Variants in KLF3 observed in about 807,000 individuals in gnomAD.
KLF3 encodes the protein KLF transcription factor 3, also known as Krueppel-like factor 3.
A neutral mutation model predicts 32.7 loss-of-function variants in KLF3; 6 were observed. The observed-to-expected ratio is 0.18, with a 90% confidence interval of 0.10 to 0.36. The LOEUF (loss-of-function observed/expected upper bound fraction) is 0.36. KLF3 is among the 10% of genes least tolerant of loss of function. The pLI, the probability that KLF3 is intolerant of heterozygous loss-of-function variation, is 1.00. For missense variants in KLF3, 338 were observed against 449.7 expected, an observed-to-expected ratio of 0.75 and a Z score of 2.25; for synonymous variants, 145 against 172.8, an observed-to-expected ratio of 0.84 and a Z score of 1.26.
In KLF3 at chr4:38,686,177, G is replaced by A. The variant is rs369560441; in HGVS notation, c.58-2408G>A. Among the ~76,000 whole-genome samples, 38 of 151,976 alleles carry A rather than the reference G, an allele frequency of 2.5e-4. No individual in the cohort carries two copies. In the South Asian group the frequency reaches 4.4e-3, roughly 17 times the overall value. On this transcript the variant is annotated intron_variant, in intron 2 of 5. Coordinates refer to ENST00000261438, the MANE Select transcript of KLF3 (RefSeq NM_016531.6). ...TAGTGAAAACTGGCTGCGCGTGGTGGCTCATGTCTGTAATCCTAGAACTTT... is the reference window on the plus strand; with the variant it reads ...TAGTGAAAACTGGCTGCGCGTGGTGACTCATGTCTGTAATCCTAGAACTTT...
intron 1 of KLF3, among the ~76,000 whole-genome samples, chr4:38,677,878 AGTGTGTGTGTGTGTGTGT>A (rs56675939): frequency 4.8e-5 from 7 of 146,214 alleles, no homozygotes; most frequent in African/African-American, 1.3e-4. Context: ...GGGCAAAAGG[AGTGTGTGTGTGTGTGTGT>A]GTGTGTGTGT....
At chr4:38,670,227 C>T (rs1187876448) in intron 1 of KLF3, among the ~76,000 whole-genome samples, 1 of 152,136 alleles carries the variant, frequency 6.6e-6, no homozygotes, top group African/African-American at 2.4e-5. Flanking sequence ...TGGCTCTTAC[C>T]CTGTTTCCTG....
chr4:38,694,706 C>G, intron 4 of KLF3, 40 bp from the exon 5 acceptor site: 3 of 1,503,644 alleles, frequency 2.0e-6, no homozygotes. Flanking sequence ...AAAGGAAGAG[C>G]GTGCTCTCAA....
Position 38,689,113 on chromosome 4 carries a change from G to A in KLF3, c.544+42G>A, listed in dbSNP as rs191829592. 3.9e-4 allele frequency: 626 copies of A among 1,600,160 alleles called. 2 individuals carry two copies. In the African/African-American group the frequency reaches 7.0e-3, roughly 18 times the overall value. On this transcript the variant is annotated intron_variant, in intron 3 of 5. Coordinates refer to ENST00000261438, the MANE Select transcript of KLF3 (RefSeq NM_016531.6). ...CTCCATGCTGCTGCACTTGCTTAGC[G>A]TACTGGCGCTTCACCAGATGGGGTG...
At chr4:38,673,501 A>G (rs564440388) in intron 1 of KLF3, among the ~76,000 whole-genome samples, 46 of 152,338 alleles carry the variant, frequency 3.0e-4, no homozygotes, top group Non-Finnish European at 5.9e-4. Context: ...GTATTTTTCA[A>G]TTTATCTTGG....
At chr4:38,667,495 A>G (rs539070038) in intron 1 of KLF3, among the ~76,000 whole-genome samples, 1 of 152,150 alleles carries the variant, frequency 6.6e-6, no homozygotes, top group East Asian at 1.9e-4. Context: ...TTTTACGTAC[A>G]CCCTTTGCTC....
At chr4:38,682,878 A>G (rs1454700449) in intron 2 of KLF3, among the ~76,000 whole-genome samples, 4 of 152,226 alleles carry the variant, frequency 2.6e-5, no homozygotes, top group African/African-American at 9.7e-5. Context: ...AGTTTCACCA[A>G]AAGTTACTGT....
At chr4:38,689,990 C>T in intron 4 of KLF3, 111 bp downstream of exon 4, 5 of 1,113,916 alleles carry the variant, frequency 4.5e-6, no homozygotes. Context: ...CCAGGAACGG[C>T]TTGTGATCTG....
chr4:38,688,967 C>T lies in KLF3; in HGVS notation c.440C>T (p.Pro147Leu). 1 of 1,614,254 alleles carries T rather than the reference C, an allele frequency of 6.2e-7. No individual in the cohort carries two copies. Among genetic ancestry groups the T allele is most frequent in the Non-Finnish European group, 8.5e-7 (1 of 1,180,048 alleles). Residue 147 changes from proline to leucine, a missense_variant, in exon 3 of 6, where the codon CCG becomes CTG. Transcript: ENST00000261438. The surrounding 1 kb of genome is among the most constrained non-coding windows in gnomAD (Gnocchi z 4.9). The part of the protein sequence containing the change: ...RSPGILPVIQ[P>L]VVVQPVPFMY... ...CCGGGGATCCTGCCCGTCATCCAGC[C>T]GGTGGTGGTGCAGCCCGTCCCCTTT...
In KLF3 at chr4:38,671,143, GGGTCTGCA is replaced by G. The variant is rs1336450637; in HGVS notation, c.-40+6685_-40+6692del. 6.6e-6 allele frequency among the ~76,000 whole-genome samples: 1 copy of G among 152,182 alleles called. No individual in the cohort carries two copies. Among genetic ancestry groups the G allele is most frequent in the Non-Finnish European group, 1.5e-5 (1 of 68,036 alleles). On this transcript the variant is annotated intron_variant, in intron 1 of 5. Transcript: ENST00000261438. The surrounding 1 kb of genome is among the most constrained non-coding windows in gnomAD (Gnocchi z 4.4). ...CTCTGAAGCAGAACAGAAAGTGCCC[GGGTCTGCA>G]GGCAGACACGCTTCTGTTCCTGGCT... is the stretch of plus-strand genomic sequence containing the variant.
chr4:38,664,919 C>CCTCCCCCTCCCGGTG (rs1721969956), intron 1 of KLF3: 1 of 150,640 alleles, frequency 6.6e-6, no homozygotes, highest in Admixed American at 6.6e-5. Context: ...CGCTCCTGCT[C>CCTCCCCCTCCCGGTG]CTCCCCCTCC....
chr4:38,672,367 C>A (rs949094649), intron 1 of KLF3, among the ~76,000 whole-genome samples: 5 of 152,158 alleles, frequency 3.3e-5, no homozygotes, highest in Non-Finnish European at 7.4e-5. Flanking sequence ...GTACTGGTGG[C>A]GGTGTGGGAC....
chr4:38,675,728 C>T (rs546007974), intron 1 of KLF3, among the ~76,000 whole-genome samples: 1 of 152,184 alleles, frequency 6.6e-6, no homozygotes, highest in Non-Finnish European at 1.5e-5. Flanking sequence ...CCTACTGGTT[C>T]TGCTTCAGAT....
Position 38,689,830 on chromosome 4 carries a change from TCACCCCCCTTAATGAACTCA to T in KLF3, c.647_666del (p.Ser216CysfsTer41). The T allele has an allele frequency of 1.2e-6, 2 of 1,607,208 alleles. No individual in the cohort carries two copies. Among genetic ancestry groups the T allele is most frequent in the African/African-American group, 1.3e-5 (1 of 74,728 alleles). Reference sequence around the variant, plus strand: ...GACAGATTATTATCCTGAAGAAATGTCACCCCCCTTAATGAACTCAGTGTCCCCCCCGCAAGCATTGTTGC... The same window carrying T: ...GACAGATTATTATCCTGAAGAAATGTGTGTCCCCCCCGCAAGCATTGTTGC... On this transcript the variant is annotated frameshift_variant, in exon 4 of 6. Transcript: ENST00000261438. LOFTEE classifies it high-confidence loss of function.
At chr4:38,690,076 C>A in intron 4 of KLF3, 197 bp downstream of exon 4, 1 of 444,414 alleles carries the variant, frequency 2.3e-6, no homozygotes, top group Non-Finnish European at 3.9e-6. Flanking sequence ...ACACTGACAA[C>A]GTTATGACAA....
At position 38,698,040 on chromosome 4, in the gene KLF3, G is replaced by A. The variant is rs1723099607; in HGVS notation, c.*777G>A. ...CTCCTGGGCTAGGGGTTGTCAGTGA[G>A]GTTTCAACATTTTGTTAGCTGTGTG... is the stretch of plus-strand genomic sequence containing the variant. On this transcript the variant is annotated 3_prime_UTR_variant, in exon 6 of 6. Coordinates refer to ENST00000261438, the MANE Select transcript of KLF3 (RefSeq NM_016531.6). The A allele has an allele frequency of 6.6e-6, 1 of 152,206 alleles. No homozygotes were observed. The highest frequency in any genetic ancestry group is 1.5e-5 in the Non-Finnish European group (1 of 68,058). 9.4% of individuals were successfully genotyped at this position (152,206 alleles called of 1,614,324 possible).
intron 4 of KLF3, 79 bp from the exon 5 acceptor site, chr4:38,694,667 G>T: frequency 7.9e-7 from 1 of 1,261,962 alleles, no homozygotes; most frequent in South Asian, 1.6e-5. Context: ...TTTGCCCAGT[G>T]TTGTTAATGC....
chr4:38,678,768 G>A (rs374011209), intron 1 of KLF3, among the ~76,000 whole-genome samples: 7 of 152,136 alleles, frequency 4.6e-5, no homozygotes, highest in Middle Eastern at 3.2e-3. Flanking sequence ...TCCAGAACCC[G>A]GGATTCCTGC....
intron 1 of KLF3, among the ~76,000 whole-genome samples, chr4:38,672,841 T>G (rs1378514679): frequency 2.0e-5 from 3 of 151,926 alleles, no homozygotes; most frequent in Non-Finnish European, 4.4e-5. Flanking sequence ...TGGGAGGCGC[T>G]GAGGGCCTGG....
Sources: allele counts gnomAD v4.1 joint callset (sites outside exome capture counted in the v4.1 genomes callset), GRCh38; gene constraint gnomAD v4.1.1; non-coding constraint Gnocchi (gnomAD v3.1); transcripts MANE v1.5; gene names NCBI Gene and HGNC (gene_info 2026-07-23, HGNC 2026-07-21).